CLTC: variants seen among roughly 807,000 people sequenced by gnomAD.
CLTC encodes clathrin heavy chain 1.
CLTC carries 16 observed loss-of-function variants against 195.8 expected under a neutral mutation model. That is an observed-to-expected ratio of 0.08 (90% confidence interval 0.06 to 0.12). The LOEUF is 0.12. Among genes scored for constraint, CLTC ranks in the 10% least tolerant of loss-of-function variants. CLTC has a pLI of 1.00. For missense variants in CLTC, 796 were observed against 2,027.0 expected (o/e 0.39, Z 11.66); for synonymous variants, 667 against 689.4 (o/e 0.97, Z 0.51).
Position 59,693,908 on chromosome 17 carries a change from C to G in CLTC, c.*56C>G, listed in dbSNP as rs2033366410. 1 of 1,508,882 alleles carries G rather than the reference C, an allele frequency of 6.6e-7. No homozygotes were observed. The highest frequency in any genetic ancestry group is 2.1e-5 in the Admixed American group (1 of 47,904). 93.5% of individuals were successfully genotyped at this position (1,508,882 alleles called of 1,614,324 possible). On this transcript the variant is annotated 3_prime_UTR_variant, in exon 32 of 32. Transcript: ENST00000269122. Reference sequence around the variant, plus strand: ...TTCGTACTGAAACATCGTCTTTACCCACTTCTCAGTTTATAATGGGGGAAA... The same window carrying G: ...TTCGTACTGAAACATCGTCTTTACCGACTTCTCAGTTTATAATGGGGGAAA...
At chr17:59,680,834 T>G in intron 18 of CLTC, 78 bp from the exon 19 acceptor site, 3 of 1,229,210 alleles carry the variant, frequency 2.4e-6, no homozygotes, top group Non-Finnish European at 3.3e-6. Flanking sequence ...TATTTCAAGT[T>G]TTCTAATGAG....
rs956310723 is a variant in CLTC at position 59,681,554 on chromosome 17, A to G, written c.3249+76A>G. On this transcript the variant is annotated intron_variant, in intron 20 of 31. Transcript: ENST00000269122. The surrounding 1 kb of genome is among the most constrained non-coding windows in gnomAD (Gnocchi z 5.0). ...GTGGGCCTAATTGGTTGCTACGGCAATAGAGCAGCAATAAAATACTAACAG... is the reference window on the plus strand; with the variant it reads ...GTGGGCCTAATTGGTTGCTACGGCAGTAGAGCAGCAATAAAATACTAACAG... 3.2e-5 allele frequency: 50 copies of G among 1,569,712 alleles called. No individual in the cohort carries two copies. The highest frequency in any genetic ancestry group is 1.0e-4 in the South Asian group (9 of 87,364).
intron 17 of CLTC, among the ~76,000 whole-genome samples, 170 bp downstream of exon 17, chr17:59,677,358 G>T (rs2032988640): frequency 6.6e-6 from 1 of 152,150 alleles, no homozygotes; most frequent in Non-Finnish European, 1.5e-5. Flanking sequence ...AGTGGATAAA[G>T]TCTATATACC....
chr17:59,670,485 T>C (rs772273047), intron 14 of CLTC, among the ~76,000 whole-genome samples: 2 of 152,054 alleles, frequency 1.3e-5, no homozygotes, highest in African/African-American at 2.4e-5. Context: ...GTTGTTCCTC[T>C]CTGTGTCCAT....
At chr17:59,690,756 T>A in intron 31 of CLTC, 45 bp downstream of exon 31, 1 of 1,416,428 alleles carries the variant, frequency 7.1e-7, no homozygotes, top group Non-Finnish European at 9.9e-7. Context: ...GACAAATATT[T>A]AATTACTTAG....
chr17:59,686,368 A>G (rs1028352403), intron 30 of CLTC, among the ~76,000 whole-genome samples: 1 of 151,038 alleles, frequency 6.6e-6, no homozygotes, highest in African/African-American at 2.4e-5. Context: ...TCCTTTTTTG[A>G]TGTATGAATT....
intron 18 of CLTC, among the ~76,000 whole-genome samples, chr17:59,679,895 C>G (rs1051017224): frequency 3.3e-5 from 5 of 151,794 alleles, no homozygotes; most frequent in African/African-American, 1.2e-4. Context: ...GTAGTAAAAC[C>G]CCATCTCTAC....
chr17:59,634,074 A>G (rs1299227997), intron 1 of CLTC, among the ~76,000 whole-genome samples: 2 of 152,056 alleles, frequency 1.3e-5, no homozygotes, highest in African/African-American at 2.4e-5. Context: ...ACGCCTGGAC[A>G]GTTTTTTTAT....
intron 9 of CLTC, chr17:59,664,564 A>AAAG: frequency 3.6e-6 from 1 of 281,572 alleles, no homozygotes; most frequent in South Asian, 9.2e-5. Context: ...AAAAAAAAAA[A>AAAG]AAAGAAAAGA....
At chr17:59,633,911 A>G (rs1006458687) in intron 1 of CLTC, among the ~76,000 whole-genome samples, 3 of 152,028 alleles carry the variant, frequency 2.0e-5, no homozygotes, top group Non-Finnish European at 4.4e-5. Context: ...AGCAATAAGT[A>G]TTATATATAT....
chr17:59,652,020 C>T (rs1048943751), intron 5 of CLTC, among the ~76,000 whole-genome samples: 1 of 152,228 alleles, frequency 6.6e-6, no homozygotes, highest in African/African-American at 2.4e-5. Flanking sequence ...GCAATGTTCA[C>T]AGCACCTTTA....
In CLTC at chr17:59,676,876, T is replaced by G. The variant is rs903598408; in HGVS notation, c.2562-78T>G. On this transcript the variant is annotated intron_variant, in intron 16 of 31. Transcript: ENST00000269122. ...AAAGCACATTATAGACCATAAGGTA[T>G]TTACATAGTTAGCATGTCAAGAGTG... 1.6e-5 allele frequency: 17 copies of G among 1,064,880 alleles called. No individual in the cohort carries two copies. The African/African-American group carries it at 2.7e-4, about 17-fold the overall frequency. The allele number at this position is 1,064,880 out of a possible 1,614,324, so 66.0% of individuals were successfully genotyped here.
intron 1 of CLTC, among the ~76,000 whole-genome samples, chr17:59,637,202 A>T (rs1157035846): frequency 1.3e-5 from 2 of 152,096 alleles, no homozygotes; most frequent in African/African-American, 4.8e-5. Flanking sequence ...GGTTTAAATC[A>T]GAATCCAAGA....
intron 14 of CLTC, among the ~76,000 whole-genome samples, chr17:59,669,143 A>C (rs1257793872): frequency 1.3e-5 from 2 of 152,138 alleles, no homozygotes; most frequent in Non-Finnish European, 2.9e-5. Context: ...AAGAATGACC[A>C]TCTGTTTAAA....
In CLTC at chr17:59,664,771, C is replaced by G; in HGVS notation, c.1522-16C>G. ...TGAAACTTAGGAGCAGCGTTTAAGT[C>G]TTTGTTTGTTTATAGGTTGGATACA... is the stretch of plus-strand genomic sequence containing the variant. On this transcript the variant is annotated splice_polypyrimidine_tract_variant and intron_variant, in intron 9 of 31. Transcript: ENST00000269122. The G allele has an allele frequency of 6.2e-7, 1 of 1,611,442 alleles. No individual in the cohort carries two copies. Among genetic ancestry groups the G allele is most frequent in the African/African-American group, 1.3e-5 (1 of 74,932 alleles).
At chr17:59,674,902 A>G (rs984272007) in intron 16 of CLTC, 59 bp downstream of exon 16, 9 of 1,498,586 alleles carry the variant, frequency 6.0e-6, no homozygotes, top group Non-Finnish European at 8.2e-6. Flanking sequence ...ATAGATAAAA[A>G]TATAGGTAGT....
intron 1 of CLTC, among the ~76,000 whole-genome samples, chr17:59,641,321 T>C (rs1055133519): frequency 1.3e-5 from 2 of 151,880 alleles, no homozygotes; most frequent in African/African-American, 4.8e-5. Context: ...AGGCTACTTT[T>C]CTGTTCTTGT....
intron 7 of CLTC, among the ~76,000 whole-genome samples, chr17:59,660,872 A>C (rs1485901259): frequency 2.0e-5 from 3 of 152,150 alleles, no homozygotes; most frequent in Admixed American, 2.0e-4. Context: ...TAGGTGTTAT[A>C]CTGTTTGACC....
chr17:59,643,193 T>C (rs1328079144), intron 1 of CLTC, among the ~76,000 whole-genome samples: 1 of 150,816 alleles, frequency 6.6e-6, no homozygotes, highest in East Asian at 1.9e-4. Context: ...GAATTTATTA[T>C]ATTACCTTTG....
Sources: gnomAD v4.1 joint callset for allele counts (sites outside exome capture counted in the v4.1 genomes callset) on GRCh38, gnomAD v4.1.1 for gene constraint, Gnocchi (gnomAD v3.1) non-coding constraint, MANE v1.5 for transcripts, NCBI Gene and HGNC (gene_info 2026-07-23, HGNC 2026-07-21) for gene names.